The following CDIN1 variants were observed in gnomAD, a reference collection of about 807,000 sequenced individuals.
The protein encoded by CDIN1 is CDAN1-interacting nuclease 1.
CDIN1 carries 33 observed loss-of-function variants against 45.3 expected under a neutral mutation model. That is an observed-to-expected ratio of 0.73 (90% CI 0.55 to 0.97). The LOEUF (loss-of-function observed/expected upper bound fraction) is 0.97. Among genes scored for constraint, CDIN1 ranks in the 50% least tolerant of loss-of-function variants. The pLI, the probability that CDIN1 is intolerant of heterozygous loss-of-function variation, is 0.00. For missense variants in CDIN1, 303 were observed against 339.4 expected, an observed-to-expected ratio of 0.89 and a Z score of 0.84; for synonymous variants, 118 against 124.4, an observed-to-expected ratio of 0.95 and a Z score of 0.34.
intron 1 of CDIN1, among the ~76,000 whole-genome samples, chr15:36,583,143 G>A (rs530652702): frequency 2.1e-4 from 32 of 151,688 alleles, no homozygotes; most frequent in Admixed American, 9.8e-4. Context: ...TTAAATGTAT[G>A]CTTTTTTTTT....
intron 10 of CDIN1, among the ~76,000 whole-genome samples, chr15:36,724,136 T>C (rs983384891): frequency 6.6e-6 from 1 of 152,218 alleles, no homozygotes; most frequent in East Asian, 1.9e-4. Flanking sequence ...CCAGTGGAGT[T>C]TTTTGAATAG....
Position 36,604,418 on chromosome 15 carries a change from T to TACACACACACACACACACACACACACAC in CDIN1, c.101+24469_101+24496dup, listed in dbSNP as rs144533313. The stretch of plus-strand genomic sequence containing the variant: ...ATGTTCTTCTATGACTTTTAAAAGG[T>TACACACACACACACACACACACACACAC]ACACACACACACACACACACACACA... On this transcript the variant is annotated intron_variant, in intron 1 of 10. Coordinates refer to ENST00000566621, the MANE Select transcript of CDIN1 (RefSeq NM_001321759.2). Among the ~76,000 whole-genome samples the TACACACACACACACACACACACACACAC allele has an allele frequency of 3.1e-5, 4 of 128,860 alleles. 1 individual carries two copies. Among genetic ancestry groups the TACACACACACACACACACACACACACAC allele is most frequent in the East Asian group, 2.5e-4 (1 of 4,032 alleles). The allele number at this position is 128,860 out of a possible 152,430, so 84.5% of individuals were successfully genotyped here.
intron 2 of CDIN1, 150 bp downstream of exon 2, chr15:36,644,473 G>A: frequency 1.4e-6 from 1 of 730,956 alleles, no homozygotes; most frequent in Non-Finnish European, 2.2e-6. Flanking sequence ...TCTCGGTGGA[G>A]GCCTGCCAAG....
At chr15:36,580,827 C>T (rs2037008080) in intron 1 of CDIN1, among the ~76,000 whole-genome samples, 1 of 152,196 alleles carries the variant, frequency 6.6e-6, no homozygotes, top group Non-Finnish European at 1.5e-5. Flanking sequence ...TGTTTTGTGG[C>T]ACTGAGCATG....
At chr15:36,616,032 A>T (rs1055453520) in intron 1 of CDIN1, among the ~76,000 whole-genome samples, 1 of 152,174 alleles carries the variant, frequency 6.6e-6, no homozygotes, top group African/African-American at 2.4e-5. Context: ...GATGGGGGAA[A>T]ATGGATGTGT....
At chr15:36,681,686 T>C (rs898151907) in intron 5 of CDIN1, among the ~76,000 whole-genome samples, 1 of 152,140 alleles carries the variant, frequency 6.6e-6, no homozygotes, top group African/African-American at 2.4e-5. Context: ...TAGGGATTAG[T>C]TTTAGACTGA....
chr15:36,645,596 A>G (rs2040293936), intron 3 of CDIN1, among the ~76,000 whole-genome samples: 1 of 151,812 alleles, frequency 6.6e-6, no homozygotes. Flanking sequence ...GAAACTTATT[A>G]TAAGTGCATA....
At chr15:36,758,480 A>C (rs2140990728) in intron 10 of CDIN1, among the ~76,000 whole-genome samples, 1 of 152,290 alleles carries the variant, frequency 6.6e-6, no homozygotes, top group South Asian at 2.1e-4. Flanking sequence ...AAGCTGATTA[A>C]ATTTATGCAG....
At chr15:36,621,594 T>A (rs1174205708) in intron 1 of CDIN1, among the ~76,000 whole-genome samples, 4 of 152,210 alleles carry the variant, frequency 2.6e-5, no homozygotes, top group African/African-American at 9.7e-5. Flanking sequence ...AATGTATTAA[T>A]CATTGACTAC....
At chr15:36,733,385 A>G (rs901719259) in intron 10 of CDIN1, among the ~76,000 whole-genome samples, 1 of 152,116 alleles carries the variant, frequency 6.6e-6, no homozygotes, top group African/African-American at 2.4e-5. Context: ...TTAAGCAACA[A>G]CAAGAAAACC....
At chr15:36,703,386 C>CAG (rs2042737368) in intron 8 of CDIN1, among the ~76,000 whole-genome samples, 2 of 18,178 alleles carry the variant, frequency 1.1e-4, no homozygotes, top group Non-Finnish European at 2.1e-4. Flanking sequence ...ATATATATAT[C>CAG]AGATATATAT....
At chr15:36,656,957 C>T (rs953923346) in intron 4 of CDIN1, among the ~76,000 whole-genome samples, 5 of 151,988 alleles carry the variant, frequency 3.3e-5, no homozygotes, top group East Asian at 1.9e-4. Context: ...TAAAAAGACT[C>T]GTTTTAGGGA....
At chr15:36,653,344 C>A (rs964645926) in intron 3 of CDIN1, among the ~76,000 whole-genome samples, 9 of 151,802 alleles carry the variant, frequency 5.9e-5, no homozygotes, top group Non-Finnish European at 1.0e-4. Context: ...TAGGTAGAAA[C>A]CAGATTATGA....
intron 10 of CDIN1, among the ~76,000 whole-genome samples, chr15:36,774,166 G>GCGCGCGCA (rs1555407101): frequency 6.7e-6 from 1 of 149,374 alleles, no homozygotes; most frequent in African/African-American, 2.5e-5. Context: ...GTGTGTGTGC[G>GCGCGCGCA]CGCGCGCGCA....
At chr15:36,641,002 T>A (rs1437239773) in intron 1 of CDIN1, among the ~76,000 whole-genome samples, 3 of 152,196 alleles carry the variant, frequency 2.0e-5, no homozygotes, top group Non-Finnish European at 2.9e-5. Context: ...GTCAATTTAG[T>A]GAGTCAGGCA....
intron 1 of CDIN1, among the ~76,000 whole-genome samples, chr15:36,632,009 A>AT (rs1455502801): frequency 1.3e-5 from 2 of 151,748 alleles, no homozygotes; most frequent in Non-Finnish European, 2.9e-5. Context: ...TTTTTAAGGA[A>AT]TTTTTTGTAG....
At chr15:36,686,514 C>G (rs947109683) in intron 5 of CDIN1, among the ~76,000 whole-genome samples, 3 of 146,006 alleles carry the variant, frequency 2.1e-5, no homozygotes, top group Non-Finnish European at 3.0e-5. Flanking sequence ...ACATATGTAA[C>G]TAACCTGCAC....
At chr15:36,800,790 T>C (rs931107954) in intron 10 of CDIN1, among the ~76,000 whole-genome samples, 1 of 150,272 alleles carries the variant, frequency 6.7e-6, no homozygotes, top group Non-Finnish European at 1.5e-5. Flanking sequence ...CCTCAGAAGA[T>C]AGCACAGACC....
intron 1 of CDIN1, among the ~76,000 whole-genome samples, chr15:36,611,052 C>T (rs2038625096): frequency 6.6e-6 from 1 of 152,110 alleles, no homozygotes; most frequent in South Asian, 2.1e-4. Context: ...GTTATGTTAC[C>T]CAAATTATCT....
Sources: gnomAD v4.1 joint callset for allele counts (sites outside exome capture counted in the v4.1 genomes callset) on GRCh38, gnomAD v4.1.1 for gene constraint, MANE v1.5 for transcripts, NCBI Gene and HGNC (gene_info 2026-07-23, HGNC 2026-07-21) for gene names.